The following PCDHGA2 variants were observed in gnomAD, a reference collection of about 807,000 sequenced individuals.
PCDHGA2 encodes the protein protocadherin gamma-A2.
PCDHGA2 carries 40 observed loss-of-function variants against 59.2 expected under a neutral mutation model. The observed-to-expected ratio is 0.68, with a 90% CI of 0.52 to 0.88. The LOEUF (loss-of-function observed/expected upper bound fraction) is 0.88, where lower values mean the gene tolerates loss of function less well. Among genes scored for constraint, PCDHGA2 ranks in the 40% least tolerant of loss-of-function variants. PCDHGA2 has a pLI of 0.00. For synonymous variants in PCDHGA2, 560 were observed against 526.0 expected, an observed-to-expected ratio of 1.06 and a Z score of -0.89; for missense variants, 1,226 against 1,204.0, an observed-to-expected ratio of 1.02 and a Z score of -0.27.
chr5:141,418,869 T>A (rs1261615662), intron 1 of PCDHGA2: 1 of 1,613,830 alleles, frequency 6.2e-7, no homozygotes, highest in Non-Finnish European at 8.5e-7. Flanking sequence ...ATTGTAGAAG[T>A]TGTAGACGAA....
At chr5:141,375,187 T>A in intron 1 of PCDHGA2, 1 of 1,613,994 alleles carries the variant, frequency 6.2e-7, no homozygotes, top group Non-Finnish European at 8.5e-7. Flanking sequence ...TAATCGCCCT[T>A]TTTCAAGTGT....
chr5:141,448,145 A>G (rs2098568457), intron 1 of PCDHGA2, among the ~76,000 whole-genome samples: 1 of 151,716 alleles, frequency 6.6e-6, no homozygotes, highest in South Asian at 2.1e-4. Flanking sequence ...TATACCTCAG[A>G]CTCACCCCTG....
Position 141,491,712 on chromosome 5 carries a change from G to C in PCDHGA2, c.2425-3095G>C. 3.1e-6 allele frequency: 5 copies of C among 1,609,408 alleles called. No individual in the cohort carries two copies. Among genetic ancestry groups the C allele is most frequent in the Middle Eastern group, 1.7e-4 (1 of 6,024 alleles). ...GGGAGCGGAGCCAGGTGAGGGGCTCGGCGCCGCCCCGGGCGACCCCTGGGG... is the reference window on the plus strand; with the variant it reads ...GGGAGCGGAGCCAGGTGAGGGGCTCCGCGCCGCCCCGGGCGACCCCTGGGG... On this transcript the variant is annotated intron_variant, in intron 1 of 3. Transcript: ENST00000394576. The surrounding 1 kb of genome is among the most constrained non-coding windows in gnomAD (Gnocchi z 6.9).
At chr5:141,379,918 T>C (rs1175326393) in intron 1 of PCDHGA2, among the ~76,000 whole-genome samples, 1 of 119,530 alleles carries the variant, frequency 8.4e-6, no homozygotes, top group Non-Finnish European at 1.7e-5. Context: ...TTTTTTTTTT[T>C]TGTCAGAGTC....
intron 1 of PCDHGA2, chr5:141,390,310 C>T: frequency 1.2e-6 from 2 of 1,612,362 alleles, no homozygotes; most frequent in Non-Finnish European, 1.7e-6. Context: ...TAATTTAATG[C>T]TCATTGCCTA....
At chr5:141,357,524 A>G (rs1760641249) in intron 1 of PCDHGA2, 1 of 1,614,218 alleles carries the variant, frequency 6.2e-7, no homozygotes, top group Non-Finnish European at 8.5e-7. Context: ...CAACCCAGCT[A>G]TGCAGACACG....
intron 1 of PCDHGA2, chr5:141,420,333 A>G (rs778366534): frequency 2.1e-6 from 3 of 1,402,720 alleles, no homozygotes; most frequent in Non-Finnish European, 2.9e-6. Flanking sequence ...ATATATTCCA[A>G]TATAGTGGTA....
chr5:141,504,763 C>G (rs1057360921), intron 2 of PCDHGA2, among the ~76,000 whole-genome samples: 5 of 152,018 alleles, frequency 3.3e-5, no homozygotes, highest in African/African-American at 1.2e-4. Context: ...AATTTCTTCT[C>G]CCTGCTCCAG....
intron 1 of PCDHGA2, chr5:141,372,413 T>C (rs1768752463): frequency 6.2e-7 from 1 of 1,614,052 alleles, no homozygotes; most frequent in Non-Finnish European, 8.5e-7. Flanking sequence ...AGATACAACC[T>C]GACCTTAGCG....
At chr5:141,389,296 A>C in intron 1 of PCDHGA2, 1 of 1,613,988 alleles carries the variant, frequency 6.2e-7, no homozygotes, top group African/African-American at 1.3e-5. Context: ...TCTATTTCAC[A>C]AGTCAGGGCT....
In PCDHGA2 at chr5:141,421,903, G is replaced by T. The variant is rs757656265; in HGVS notation, c.2425-72904G>T. 2.5e-6 allele frequency: 4 copies of T among 1,613,704 alleles called. No homozygotes were observed. In the East Asian group the frequency reaches 6.7e-5, roughly 27 times the overall value. ...TGGAGGCGATCCCATCCGAAAGGGCGCAGTTCCCATTCGTGTGGTGGTCCT... is the reference window on the plus strand; with the variant it reads ...TGGAGGCGATCCCATCCGAAAGGGCTCAGTTCCCATTCGTGTGGTGGTCCT... On this transcript the variant is annotated intron_variant, in intron 1 of 3. Transcript: ENST00000394576.
chr5:141,376,378 G>A, intron 1 of PCDHGA2: 5 of 1,614,236 alleles, frequency 3.1e-6, no homozygotes, highest in Non-Finnish European at 4.2e-6. Context: ...ACTCGCGTAA[G>A]AGTCATCTGA....
In PCDHGA2 at chr5:141,477,880, C is replaced by T. The variant is rs763789849; in HGVS notation, c.2425-16927C>T. 10 of 1,614,058 alleles carry T rather than the reference C, an allele frequency of 6.2e-6. No homozygotes were observed. The African/African-American group carries it at 1.2e-4, about 19-fold the overall frequency. ...TGCCTCGAGGTACCTCAGCTGGCCA[C>T]CTAGTGTCACGGGTGGTAGGCTGGG... is the stretch of plus-strand genomic sequence containing the variant. On this transcript the variant is annotated intron_variant, in intron 1 of 3. Transcript: ENST00000394576. The surrounding 1 kb of genome is among the most constrained non-coding windows in gnomAD (Gnocchi z 4.9).
chr5:141,360,621 TG>T (rs1307338533), intron 1 of PCDHGA2: 1 of 1,613,908 alleles, frequency 6.2e-7, no homozygotes, highest in Non-Finnish European at 8.5e-7. Flanking sequence ...ATTCAGATGT[TG>T]GTCCTAACTC....
At chr5:141,387,386 A>G (rs1451460616) in intron 1 of PCDHGA2, among the ~76,000 whole-genome samples, 14 of 152,232 alleles carry the variant, frequency 9.2e-5, no homozygotes, top group Non-Finnish European at 1.5e-5. Flanking sequence ...TTATATAGAT[A>G]GTGCATGTTT....
In PCDHGA2 at chr5:141,487,844, A is replaced by T; in HGVS notation, c.2425-6963A>T. The T allele has an allele frequency of 1.9e-6, 2 of 1,043,194 alleles. No individual in the cohort carries two copies. The highest frequency in any genetic ancestry group is 2.7e-6 in the Non-Finnish European group (2 of 730,908). The allele number at this position is 1,043,194 out of a possible 1,614,324, so 64.6% of individuals were successfully genotyped here. ...CGGGTCATGCCTATATCTGAGTAAG[A>T]AATGAAAGTAATTGGTGATCAAGAG... On this transcript the variant is annotated intron_variant, in intron 1 of 3. Transcript: ENST00000394576. This position sits in a 1 kb window ranked among gnomAD's most constrained non-coding sequence, Gnocchi z 5.0.
At chr5:141,399,134 A>G (rs2093758534) in intron 1 of PCDHGA2, 6 of 1,613,856 alleles carry the variant, frequency 3.7e-6, no homozygotes, top group Non-Finnish European at 5.1e-6. Flanking sequence ...ATTCAAGATG[A>G]AAATGACAAT....
At position 141,388,343 on chromosome 5, in the gene PCDHGA2, A is replaced by G. The variant is rs2091322753; in HGVS notation, c.2424+46948A>G. ...CTGCACAGCCTGGCACACGATTTAT[A>G]TTAGGATCTGCCCATGATGCGGATA... On this transcript the variant is annotated intron_variant, in intron 1 of 3. Coordinates refer to ENST00000394576, the MANE Select transcript of PCDHGA2 (RefSeq NM_018915.4). 3 of 1,614,008 alleles carry G rather than the reference A, an allele frequency of 1.9e-6. No individual in the cohort carries two copies. The East Asian group carries it at 6.7e-5, about 36-fold the overall frequency.
intron 1 of PCDHGA2, chr5:141,395,139 G>C: frequency 6.2e-7 from 1 of 1,614,144 alleles, no homozygotes. Flanking sequence ...GCCCAACTAC[G>C]CAGACATGCT....
Sources: allele counts gnomAD v4.1 joint callset (sites outside exome capture counted in the v4.1 genomes callset), GRCh38; gene constraint gnomAD v4.1.1; non-coding constraint Gnocchi (gnomAD v3.1); transcripts MANE v1.5; gene names NCBI Gene and HGNC (gene_info 2026-07-23, HGNC 2026-07-21).